The following NAALADL2 variants were observed in gnomAD, a reference collection of about 807,000 sequenced individuals.
The protein encoded by NAALADL2 is inactive N-acetylated-alpha-linked acidic dipeptidase-like protein 2.
In NAALADL2, 76 loss-of-function variants were observed where a neutral mutation model predicts 87.2. The observed-to-expected ratio is 0.87, with a 90% CI of 0.72 to 1.05. The LOEUF (loss-of-function observed/expected upper bound fraction) is 1.05, where lower values mean the gene tolerates loss of function less well. Ranked by LOEUF, NAALADL2 falls within the 50% of genes least tolerant of loss-of-function variation. The pLI, the probability that NAALADL2 is intolerant of heterozygous loss-of-function variation, is 0.00. For missense variants in NAALADL2, 1,089 were observed against 945.8 expected (o/e 1.15, Z -1.99); for synonymous variants, 354 against 331.0 (o/e 1.07, Z -0.75).
chr3:174,905,558 CTT>C (rs1332418938), intron 1 of NAALADL2, among the ~76,000 whole-genome samples: 3 of 151,958 alleles, frequency 2.0e-5, no homozygotes, highest in Non-Finnish European at 4.4e-5. Flanking sequence ...GCAAGTAAAA[CTT>C]TAAAAATAAA....
intron 9 of NAALADL2, among the ~76,000 whole-genome samples, chr3:175,484,105 A>G (rs1726905976): frequency 6.6e-6 from 1 of 152,166 alleles, no homozygotes; most frequent in African/African-American, 2.4e-5. Flanking sequence ...CCATACAGAT[A>G]AATACCATTT....
At chr3:175,183,250 A>AT (rs34202182) in intron 2 of NAALADL2, among the ~76,000 whole-genome samples, 107,593 of 149,896 alleles carry the variant, frequency 0.72, 39,100 homozygotes, top group Non-Finnish European at 0.78. Flanking sequence ...ATTCCTAAGT[A>AT]TTTTTTTTTG....
At chr3:174,851,873 C>T (rs575897464) in intron 3 of NAALADL2, among the ~76,000 whole-genome samples, 1 of 152,114 alleles carries the variant, frequency 6.6e-6, no homozygotes, top group African/African-American at 2.4e-5. Context: ...AAAAAGATCA[C>T]TTATCAAGAA....
chr3:175,528,891 T>A lies in NAALADL2; in HGVS notation c.1654-47150T>A, dbSNP rs141497591. ...GAGGAAATACTCATGACAATTACCATCCTTGTTTATGCATCTGGTCACGTG... is the reference window on the plus strand; with the variant it reads ...GAGGAAATACTCATGACAATTACCAACCTTGTTTATGCATCTGGTCACGTG... On this transcript the variant is annotated intron_variant, in intron 9 of 13. Coordinates refer to ENST00000454872, the MANE Select transcript of NAALADL2 (RefSeq NM_207015.3). Among the ~76,000 whole-genome samples the A allele has an allele frequency of 2.7e-3, 407 of 152,310 alleles. 4 individuals carry two copies. The highest frequency in any genetic ancestry group is 8.9e-3 in the African/African-American group (370 of 41,574).
intron 10 of NAALADL2, among the ~76,000 whole-genome samples, chr3:175,616,598 C>T (rs1055206236): frequency 7.2e-5 from 11 of 152,156 alleles, no homozygotes; most frequent in Admixed American, 3.3e-4. Context: ...AGTGCCACTT[C>T]GCAAGCTGGA....
chr3:175,749,979 C>T (rs1746426820), intron 12 of NAALADL2, among the ~76,000 whole-genome samples: 2 of 152,134 alleles, frequency 1.3e-5, no homozygotes, highest in African/African-American at 4.8e-5. Flanking sequence ...AAGTTTGTCA[C>T]TTTAGAGGCT....
intron 1 of NAALADL2, among the ~76,000 whole-genome samples, chr3:174,949,725 T>C (rs1740032509): frequency 6.6e-6 from 1 of 152,182 alleles, no homozygotes; most frequent in South Asian, 2.1e-4. Context: ...TGTTCTGTCC[T>C]TTTAGGACAT....
chr3:174,702,638 G>T (rs1371845264), intron 2 of NAALADL2, among the ~76,000 whole-genome samples: 1 of 152,138 alleles, frequency 6.6e-6, no homozygotes, highest in African/African-American at 2.4e-5. Context: ...ATAGGCTCTT[G>T]CTCTAGGCTG....
At chr3:175,749,470 A>G (rs1361413652) in intron 12 of NAALADL2, among the ~76,000 whole-genome samples, 1 of 152,110 alleles carries the variant, frequency 6.6e-6, no homozygotes, top group Non-Finnish European at 1.5e-5. Context: ...AGTGCCTGGT[A>G]AGGGCCCAGT....
At chr3:175,603,854 C>T (rs1723293000) in intron 10 of NAALADL2, among the ~76,000 whole-genome samples, 1 of 152,056 alleles carries the variant, frequency 6.6e-6, no homozygotes, top group Non-Finnish European at 1.5e-5. Flanking sequence ...ATTAGCCAGG[C>T]TTTGTGTCAC....
chr3:174,900,675 A>G (rs1335077359), intron 1 of NAALADL2, among the ~76,000 whole-genome samples: 1 of 152,040 alleles, frequency 6.6e-6, no homozygotes, highest in Non-Finnish European at 1.5e-5. Context: ...TTATGTTCTC[A>G]TATAAGTCAA....
intron 2 of NAALADL2, among the ~76,000 whole-genome samples, chr3:174,691,793 C>T (rs1728606897): frequency 6.6e-6 from 1 of 152,216 alleles, no homozygotes; most frequent in Non-Finnish European, 1.5e-5. Context: ...GTTATTTCAA[C>T]ACTGTTCGTG....
chr3:174,928,451 A>T (rs180953477), intron 1 of NAALADL2, among the ~76,000 whole-genome samples: 2 of 152,264 alleles, frequency 1.3e-5, no homozygotes, highest in East Asian at 3.9e-4. Flanking sequence ...CATGTTGGCC[A>T]GGCTAGTCTC....
At chr3:174,580,555 T>G (rs1716053101) in intron 2 of NAALADL2, among the ~76,000 whole-genome samples, 1 of 152,108 alleles carries the variant, frequency 6.6e-6, no homozygotes, top group African/African-American at 2.4e-5. Flanking sequence ...CTCCCATCAC[T>G]TCCTGTGCCA....
chr3:175,360,354 T>G (rs1474827874), intron 5 of NAALADL2, among the ~76,000 whole-genome samples: 2 of 152,156 alleles, frequency 1.3e-5, no homozygotes, highest in Non-Finnish European at 2.9e-5. Context: ...ATATCAGATG[T>G]TCTTTCCATT....
At chr3:175,199,225 G>A (rs1739447070) in intron 2 of NAALADL2, among the ~76,000 whole-genome samples, 1 of 152,126 alleles carries the variant, frequency 6.6e-6, no homozygotes, top group African/African-American at 2.4e-5. Context: ...CTCAGCTCAA[G>A]TGTGGCTGTT....
intron 2 of NAALADL2, among the ~76,000 whole-genome samples, chr3:174,555,035 C>T (rs1317402507): frequency 6.6e-6 from 1 of 152,138 alleles, no homozygotes; most frequent in East Asian, 1.9e-4. Context: ...TAGGGCTCTG[C>T]CCTCATGACC....
At chr3:175,036,621 G>A (rs1274072454) in intron 1 of NAALADL2, among the ~76,000 whole-genome samples, 6 of 151,848 alleles carry the variant, frequency 4.0e-5, no homozygotes, top group African/African-American at 9.7e-5. Flanking sequence ...GGATGGTCTC[G>A]ATCTCCTGAC....
At chr3:174,634,507 C>T (rs59196586) in intron 2 of NAALADL2, among the ~76,000 whole-genome samples, 29,222 of 151,864 alleles carry the variant, frequency 0.19, 3,024 homozygotes, top group South Asian at 0.3. Context: ...AAAAAAAAAT[C>T]GACTATTGAA....
Sources: gnomAD v4.1 joint callset for allele counts (sites outside exome capture counted in the v4.1 genomes callset) on GRCh38, gnomAD v4.1.1 for gene constraint, MANE v1.5 for transcripts, NCBI Gene and HGNC (gene_info 2026-07-23, HGNC 2026-07-21) for gene names.